Variants in MON2 observed in about 807,000 individuals in gnomAD.
MON2 encodes protein MON2 homolog.
A neutral mutation model predicts 208.6 loss-of-function variants in MON2; 84 were observed. The observed-to-expected ratio is 0.40, with a 90% CI of 0.34 to 0.48. The LOEUF (loss-of-function observed/expected upper bound fraction) is 0.48, where lower values mean the gene tolerates loss of function less well. MON2 is among the 20% of genes least tolerant of loss of function. MON2 has a pLI of 0.59. For missense variants in MON2, 1,611 were observed against 2,015.4 expected (o/e 0.80, Z 3.84); for synonymous variants, 660 against 694.0 (o/e 0.95, Z 0.77).
chr12:62,534,767 A>T, intron 12 of MON2, 78 bp from the exon 13 acceptor site: 1 of 1,027,168 alleles, frequency 9.7e-7, no homozygotes, highest in Non-Finnish European at 1.5e-6. Context: ...GTCTGGGAAA[A>T]TTTTAGAATT....
At chr12:62,536,239 A>G (rs2072961901) in intron 14 of MON2, among the ~76,000 whole-genome samples, 1 of 152,024 alleles carries the variant, frequency 6.6e-6, no homozygotes, top group East Asian at 1.9e-4. Context: ...TTTTTAATGG[A>G]ACTAGTAGAA....
intron 31 of MON2, 21 bp downstream of exon 31, chr12:62,578,526 GT>G: frequency 6.9e-7 from 1 of 1,439,792 alleles, no homozygotes; most frequent in Non-Finnish European, 9.5e-7. Flanking sequence ...TATTTAAAAT[GT>G]TTTCCTGTGA....
chr12:62,508,240 C>A, intron 7 of MON2, 46 bp from the exon 8 acceptor site: 1 of 1,469,336 alleles, frequency 6.8e-7, no homozygotes, highest in Non-Finnish European at 9.4e-7. Context: ...GTATTAAGTA[C>A]AAATAAAGTT....
chr12:62,508,908 C>T (rs1196182740), intron 8 of MON2: 2 of 160,648 alleles, frequency 1.2e-5, no homozygotes, highest in Admixed American at 5.9e-5. Context: ...TTTTGACTTA[C>T]AGTCCAATAT....
chr12:62,508,513 A>G, intron 8 of MON2, 33 bp downstream of exon 8: 1 of 1,584,250 alleles, frequency 6.3e-7, no homozygotes. Flanking sequence ...ATTTGTGTAT[A>G]TAGTTGCATG....
At chr12:62,565,916 A>G in intron 27 of MON2, 98 bp from the exon 28 acceptor site, 1 of 1,167,516 alleles carries the variant, frequency 8.6e-7, no homozygotes. Flanking sequence ...TTGTTCACTC[A>G]ACATAAAAAT....
chr12:62,549,858 T>C lies in MON2; in HGVS notation c.2916+28T>C, dbSNP rs763953781. Reference sequence around the variant, plus strand: ...AAGTATCATTGTCCTTAGAATATAATATAATTTAGAAATCATTGTTATTCA... The same window carrying C: ...AAGTATCATTGTCCTTAGAATATAACATAATTTAGAAATCATTGTTATTCA... On this transcript the variant is annotated intron_variant, in intron 23 of 34. Transcript: ENST00000393630. The C allele has an allele frequency of 9.3e-6, 13 of 1,399,254 alleles. No individual in the cohort carries two copies. In the African/African-American group the frequency reaches 1.9e-4, roughly 20 times the overall value. 86.7% of individuals were successfully genotyped at this position (1,399,254 alleles called of 1,614,324 possible). A position where few individuals can be genotyped will look rare whatever the true frequency, so the allele number is the denominator to read the frequency against.
chr12:62,580,748 C>T (rs1380018268), intron 32 of MON2, among the ~76,000 whole-genome samples: 1 of 152,090 alleles, frequency 6.6e-6, no homozygotes, highest in Non-Finnish European at 1.5e-5. Flanking sequence ...CCATGGATGT[C>T]ACTGCAGGCT....
intron 25 of MON2, among the ~76,000 whole-genome samples, chr12:62,556,796 C>T (rs2073985576): frequency 6.6e-6 from 1 of 152,154 alleles, no homozygotes; most frequent in African/African-American, 2.4e-5. Flanking sequence ...AGTTAGGAGG[C>T]TGGGCATGGT....
At chr12:62,551,237 G>A (rs2073729307) in intron 23 of MON2, among the ~76,000 whole-genome samples, 1 of 152,012 alleles carries the variant, frequency 6.6e-6, no homozygotes. Context: ...ATTATTTCTA[G>A]CTTTTGATTG....
intron 25 of MON2, chr12:62,559,888 A>AT (rs2136342796): frequency 1.3e-5 from 2 of 152,362 alleles, no homozygotes; most frequent in East Asian, 3.9e-4. Flanking sequence ...ATTTAGGCCA[A>AT]TAAAAAAACA....
chr12:62,561,174 T>A, intron 26 of MON2, 61 bp downstream of exon 26: 1 of 1,395,838 alleles, frequency 7.2e-7, no homozygotes, highest in South Asian at 1.5e-5. Flanking sequence ...TTTTTTATTT[T>A]GCTATATATT....
chr12:62,544,312 G>A (rs1212297491), intron 20 of MON2, among the ~76,000 whole-genome samples: 1 of 152,010 alleles, frequency 6.6e-6, no homozygotes, highest in Non-Finnish European at 1.5e-5. Context: ...CGGGCTTGGT[G>A]GTATATGCTT....
intron 1 of MON2, among the ~76,000 whole-genome samples, chr12:62,477,305 C>G (rs943860581): frequency 1.3e-5 from 2 of 152,112 alleles, no homozygotes; most frequent in Non-Finnish European, 2.9e-5. Context: ...TTGTTAATTC[C>G]TTTGCTACCA....
intron 8 of MON2, 82 bp downstream of exon 8, chr12:62,508,562 T>C (rs2071224471): frequency 7.7e-7 from 1 of 1,299,458 alleles, no homozygotes; most frequent in Non-Finnish European, 1.1e-6. Context: ...GTAGCGCATT[T>C]AGTTTTTTCA....
chr12:62,481,534 A>AC (rs921526267), intron 1 of MON2, among the ~76,000 whole-genome samples: 2 of 151,526 alleles, frequency 1.3e-5, no homozygotes, highest in African/African-American at 4.9e-5. Flanking sequence ...AAAAAAAAAA[A>AC]ATTACTGATG....
At chr12:62,482,206 A>G (rs554260320) in intron 1 of MON2, 1 of 152,350 alleles carries the variant, frequency 6.6e-6, no homozygotes, top group South Asian at 2.1e-4. Context: ...GTGGAAAAGC[A>G]TCTACATTTT....
rs1565714625 is a variant in MON2 at position 62,585,099 on chromosome 12, ACACACACACAC to A, written c.4700-194_4700-184del. On this transcript the variant is annotated intron_variant, in intron 32 of 34. Coordinates refer to ENST00000393630, the MANE Select transcript of MON2 (RefSeq NM_015026.3). The stretch of plus-strand genomic sequence containing the variant: ...CACACACACACACACACACACACAC[ACACACACACAC>A]AAAACAAAAAAAAACAAAAAAAAAA... Among the ~76,000 whole-genome samples the A allele has an allele frequency of 6.0e-3, 653 of 108,576 alleles. 17 individuals carry two copies. The highest frequency in any genetic ancestry group is 0.014 in the Admixed American group (164 of 11,368). 71.2% of individuals were successfully genotyped at this position (108,576 alleles called of 152,430 possible).
chr12:62,477,044 G>T (rs148650349), intron 1 of MON2, among the ~76,000 whole-genome samples: 1 of 152,024 alleles, frequency 6.6e-6, no homozygotes, highest in African/African-American at 2.4e-5. Flanking sequence ...CGGCCATTTG[G>T]GAGACTGAGG....
Sources: allele counts gnomAD v4.1 joint callset (sites outside exome capture counted in the v4.1 genomes callset), GRCh38; gene constraint gnomAD v4.1.1; transcripts MANE v1.5; gene names NCBI Gene and HGNC (gene_info 2026-07-23, HGNC 2026-07-21).